The following NCAM2 variants were observed in gnomAD, a reference collection of about 807,000 sequenced individuals.
The protein encoded by NCAM2 is neural cell adhesion molecule 2, also known as N-CAM-2.
Under a neutral mutation model 98.1 loss-of-function variants are expected in NCAM2, and 30 were observed. That is an observed-to-expected ratio of 0.31 (90% CI 0.23 to 0.41). NCAM2 has a LOEUF of 0.41. NCAM2 is among the 10% of genes least tolerant of loss of function. The pLI is 1.00. For synonymous variants in NCAM2, 368 were observed against 342.4 expected (o/e 1.07, Z -0.83); for missense variants, 867 against 1,005.8 (o/e 0.86, Z 1.87).
intron 11 of NCAM2, among the ~76,000 whole-genome samples, chr21:21,431,850 G>A (rs1322234940): frequency 6.6e-6 from 1 of 151,864 alleles, no homozygotes; most frequent in Non-Finnish European, 1.5e-5. Flanking sequence ...AAATGCAGAA[G>A]TAACATATTC....
chr21:21,104,415 G>A (rs180915740), intron 1 of NCAM2, among the ~76,000 whole-genome samples: 57 of 152,086 alleles, frequency 3.7e-4, no homozygotes, highest in Middle Eastern at 3.4e-3. Flanking sequence ...TTTTCTCATG[G>A]ATAGAGATGC....
At chr21:21,487,427 C>A (rs1205860859) in intron 15 of NCAM2, among the ~76,000 whole-genome samples, 1 of 151,890 alleles carries the variant, frequency 6.6e-6, no homozygotes, top group East Asian at 1.9e-4. Context: ...ACATAAAATT[C>A]TGTCTCTGAA....
At chr21:21,456,978 A>G (rs1982238404) in intron 12 of NCAM2, among the ~76,000 whole-genome samples, 1 of 152,156 alleles carries the variant, frequency 6.6e-6, no homozygotes, top group African/African-American at 2.4e-5. Context: ...TTAGTCTAAG[A>G]TATTCTCTTA....
intron 9 of NCAM2, among the ~76,000 whole-genome samples, chr21:21,388,402 C>A (rs890971873): frequency 6.6e-6 from 1 of 152,038 alleles, no homozygotes; most frequent in Non-Finnish European, 1.5e-5. Flanking sequence ...ACATTCCAGG[C>A]AGAGGGAACA....
rs1247010614 is a variant in NCAM2, at chr21:21,530,214, TTTAATTTAATTATATATATTTAATTTAAA to T, written c.2283-4316_2283-4288del. On this transcript the variant is annotated intron_variant, in intron 16 of 17. Transcript: ENST00000400546. ...TTTAATTTAATTATATATAATTTAATTTAATTTAATTATATATATTTAATTTAAATTAATTATATATAATTTAATTTAAT... is the reference window on the plus strand; with the variant it reads ...TTTAATTTAATTATATATAATTTAATTTAATTATATATAATTTAATTTAAT... Among the ~76,000 whole-genome samples the T allele has an allele frequency of 1.6e-3, 153 of 95,466 alleles. 6 individuals carry two copies. The highest frequency in any genetic ancestry group is 0.01 in the Middle Eastern group (2 of 200). The allele number at this position is 95,466 out of a possible 152,430, so 62.6% of individuals were successfully genotyped here. A position where few individuals can be genotyped will look rare whatever the true frequency, so the allele number is the denominator to read the frequency against.
intron 1 of NCAM2, among the ~76,000 whole-genome samples, chr21:21,052,008 A>AT (rs554937039): frequency 3.9e-5 from 6 of 152,042 alleles, no homozygotes; most frequent in African/African-American, 1.2e-4. Context: ...TATATGCAGG[A>AT]TTTTTTTTAA....
intron 1 of NCAM2, among the ~76,000 whole-genome samples, chr21:21,194,324 A>T (rs1471190522): frequency 6.6e-6 from 1 of 152,166 alleles, no homozygotes; most frequent in African/African-American, 2.4e-5. Context: ...AGGGACTTGG[A>T]AACATAAGGA....
chr21:21,289,245 A>C (rs187813690), intron 4 of NCAM2, among the ~76,000 whole-genome samples: 1 of 152,106 alleles, frequency 6.6e-6, no homozygotes, highest in Admixed American at 6.6e-5. Context: ...TGGAATACAC[A>C]GGATCTATGC....
intron 1 of NCAM2, among the ~76,000 whole-genome samples, chr21:21,250,518 T>A (rs187659688): frequency 6.5e-4 from 99 of 152,298 alleles, no homozygotes; most frequent in African/African-American, 2.4e-3. Context: ...ATGCAACACA[T>A]GGGTCAGTAA....
chr21:21,265,369 TAC>T (rs2072201461), intron 1 of NCAM2, among the ~76,000 whole-genome samples: 3 of 21,272 alleles, frequency 1.4e-4, no homozygotes, highest in Admixed American at 9.2e-4. Context: ...ATATTATATA[TAC>T]ACATACACAT....
At chr21:21,486,446 C>A (rs1257574689) in intron 15 of NCAM2, among the ~76,000 whole-genome samples, 1 of 151,872 alleles carries the variant, frequency 6.6e-6, no homozygotes, top group Admixed American at 6.6e-5. Flanking sequence ...AACCAATATT[C>A]CGTTTATTAA....
At chr21:21,185,786 A>C (rs1004850459) in intron 1 of NCAM2, among the ~76,000 whole-genome samples, 1 of 152,232 alleles carries the variant, frequency 6.6e-6, no homozygotes, top group Non-Finnish European at 1.5e-5. Flanking sequence ...TTTACTGTGC[A>C]GTAATGAGAA....
intron 8 of NCAM2, among the ~76,000 whole-genome samples, chr21:21,372,482 A>G (rs151054882): frequency 3.3e-5 from 5 of 151,914 alleles, no homozygotes; most frequent in East Asian, 1.9e-4. Flanking sequence ...ACCTGTCTCA[A>G]TCAAATATCA....
intron 1 of NCAM2, among the ~76,000 whole-genome samples, chr21:21,098,043 CTCTT>C (rs1376759120): frequency 2.3e-5 from 1 of 43,876 alleles, no homozygotes; most frequent in Non-Finnish European, 7.2e-5. Flanking sequence ...AGTCGAATAT[CTCTT>C]TCAGATAGGC....
At chr21:21,163,847 C>G (rs2146796886) in intron 1 of NCAM2, among the ~76,000 whole-genome samples, 1 of 152,198 alleles carries the variant, frequency 6.6e-6, no homozygotes, top group South Asian at 2.1e-4. Context: ...TAAGGTGGGA[C>G]TGAAATACAA....
At chr21:21,102,793 A>AT (rs1355696922) in intron 1 of NCAM2, among the ~76,000 whole-genome samples, 1 of 152,042 alleles carries the variant, frequency 6.6e-6, no homozygotes, top group Non-Finnish European at 1.5e-5. Context: ...TTATTTACTT[A>AT]TTTAGAAAGA....
chr21:21,127,356 A>G lies in NCAM2; in HGVS notation c.55+128738A>G, dbSNP rs1353389603. On this transcript the variant is annotated intron_variant, in intron 1 of 17. Transcript: ENST00000400546. ...TGATACGAAATAATTGTACGTACTT[A>G]TGCAGTACATTGATATTTTGATACA... Among the ~76,000 whole-genome samples, 3 of 152,072 alleles carry G rather than the reference A, an allele frequency of 2.0e-5. No homozygotes were observed. The East Asian group carries it at 5.8e-4, about 29-fold the overall frequency.
At chr21:21,250,548 T>A (rs979038791) in intron 1 of NCAM2, among the ~76,000 whole-genome samples, 2 of 152,326 alleles carry the variant, frequency 1.3e-5, no homozygotes, top group East Asian at 3.9e-4. Context: ...TTACACAGAC[T>A]GCGGAAGGTA....
chr21:21,188,926 A>C (rs1302295661), intron 1 of NCAM2, among the ~76,000 whole-genome samples: 3 of 152,226 alleles, frequency 2.0e-5, no homozygotes, highest in Non-Finnish European at 4.4e-5. Flanking sequence ...GTAAGGCCCC[A>C]TTATATACAA....
Sources: allele counts gnomAD v4.1 joint callset (sites outside exome capture counted in the v4.1 genomes callset), GRCh38; gene constraint gnomAD v4.1.1; transcripts MANE v1.5; gene names NCBI Gene and HGNC (gene_info 2026-07-23, HGNC 2026-07-21).